Variants in IGF2BP3 observed in about 807,000 individuals in gnomAD.
IGF2BP3 encodes the protein insulin like growth factor 2 mRNA binding protein 3.
In IGF2BP3, 9 loss-of-function variants were observed where a neutral mutation model predicts 73.8. The ratio of observed to expected loss-of-function variants is 0.12; its 90% CI spans 0.07 to 0.21. The LOEUF is 0.21. IGF2BP3 is among the 10% of genes least tolerant of loss of function. The pLI, the probability that IGF2BP3 is intolerant of heterozygous loss-of-function variation, is 1.00. For missense variants in IGF2BP3, 542 were observed against 714.0 expected (o/e 0.76, Z 2.75); for synonymous variants, 258 against 256.7 (o/e 1.01, Z -0.05).
chr7:23,322,977 G>C (rs373481013), intron 10 of IGF2BP3, among the ~76,000 whole-genome samples: 1 of 152,124 alleles, frequency 6.6e-6, no homozygotes, highest in African/African-American at 2.4e-5. Context: ...ATGCCAAAAC[G>C]TAAAGACCAT....
At chr7:23,316,800 C>G in intron 12 of IGF2BP3, among the ~76,000 whole-genome samples, 1 of 151,314 alleles carries the variant, frequency 6.6e-6, no homozygotes, top group Admixed American at 6.6e-5. Flanking sequence ...AGAAATCATA[C>G]ACTAAAAGGA....
chr7:23,411,475 A>G (rs574710321), intron 3 of IGF2BP3, among the ~76,000 whole-genome samples: 1 of 152,164 alleles, frequency 6.6e-6, no homozygotes, highest in Admixed American at 6.5e-5. Flanking sequence ...CCAGCTACTC[A>G]GGAGGCTGAG....
intron 2 of IGF2BP3, among the ~76,000 whole-genome samples, chr7:23,456,186 C>A (rs1308593672): frequency 6.6e-6 from 1 of 151,262 alleles, no homozygotes. Context: ...AAAGAAAGAG[C>A]AAGAGCTTCT....
intron 3 of IGF2BP3, among the ~76,000 whole-genome samples, chr7:23,390,765 T>G (rs913564820): frequency 2.0e-5 from 3 of 151,892 alleles, no homozygotes; most frequent in African/African-American, 7.2e-5. Context: ...CTAAAAACTT[T>G]ACAGCTGTTT....
intron 6 of IGF2BP3, among the ~76,000 whole-genome samples, chr7:23,350,586 T>TA (rs1414677753): frequency 2.0e-5 from 3 of 152,254 alleles, no homozygotes; most frequent in Non-Finnish European, 4.4e-5. Context: ...AGAAGTATCT[T>TA]AGATACACAT....
chr7:23,341,304 A>G (rs1784706890), intron 10 of IGF2BP3, among the ~76,000 whole-genome samples: 2 of 152,286 alleles, frequency 1.3e-5, no homozygotes, highest in South Asian at 4.1e-4. Context: ...GTCACTCCTG[A>G]CCTTTCAAAG....
intron 3 of IGF2BP3, among the ~76,000 whole-genome samples, chr7:23,405,941 T>C (rs186934685): frequency 2.8e-4 from 43 of 152,016 alleles, no homozygotes; most frequent in African/African-American, 9.6e-4. Context: ...GGCTTACACA[T>C]GATGATGGAG....
At position 23,317,665 on chromosome 7, in the gene IGF2BP3, T is replaced by C. The variant is rs1285963768; in HGVS notation, c.1369A>G (p.Thr457Ala). ...PDAKVRMVII[T>A]GPPEAQFKAQ... ...TTGAACTGAGCCTCTGGTGGTCCAG[T>C]GATAATCACCATCCTCACTTTAGCA... The change falls in exon 12 of 15, where the codon ACT becomes GCT. Residue 457 changes from threonine (T) to alanine (A), a missense_variant. Physicochemically the swap from Thr to Ala is moderately conservative, Grantham distance 58. Around this residue, in one of 2 missense-constraint regions of IGF2BP3, gnomAD observed 303 missense variants for 472.1 expected, o/e 0.64. Transcript: ENST00000258729. 1.2e-6 allele frequency: 2 copies of C among 1,614,010 alleles called. No individual in the cohort carries two copies. The highest frequency in any genetic ancestry group is 2.2e-5 in the East Asian group (1 of 44,900).
chr7:23,347,955 G>A (rs1459403239), intron 6 of IGF2BP3: 9 of 509,812 alleles, frequency 1.8e-5, no homozygotes, highest in Non-Finnish European at 2.1e-5. Context: ...ATCCAACCAA[G>A]CGGGGACATC....
rs145701169 is a variant in IGF2BP3 at position 23,319,318 on chromosome 7, T to A, written c.1204-64A>T. 3.7e-6 allele frequency: 4 copies of A among 1,068,240 alleles called. No homozygotes were observed. The African/African-American group carries it at 6.3e-5, about 17-fold the overall frequency. The allele number at this position is 1,068,240 out of a possible 1,614,324, so 66.2% of individuals were successfully genotyped here. A position where few individuals can be genotyped will look rare whatever the true frequency, so the allele number is the denominator to read the frequency against. ...CTACAAATCAGGCTTTTGTTAACAT[T>A]AGCTTTAGGAAGGACACCTTCTCAT... On this transcript the variant is annotated intron_variant, in intron 10 of 14. Coordinates refer to ENST00000258729, the MANE Select transcript of IGF2BP3 (RefSeq NM_006547.3).
At chr7:23,313,694 GA>G (rs1249958640) in intron 12 of IGF2BP3, 41 bp from the exon 13 acceptor site, 1 of 1,599,688 alleles carries the variant, frequency 6.3e-7, no homozygotes, top group African/African-American at 1.3e-5. Context: ...ATTCATGTAT[GA>G]AATGGAAAAG....
intron 3 of IGF2BP3, among the ~76,000 whole-genome samples, chr7:23,380,698 T>C (rs1785882705): frequency 6.6e-6 from 1 of 152,178 alleles, no homozygotes; most frequent in African/African-American, 2.4e-5. Context: ...CCTCTGAATA[T>C]AGCTCTAATC....
chr7:23,325,090 G>A (rs1204587681), intron 10 of IGF2BP3, among the ~76,000 whole-genome samples: 1 of 152,000 alleles, frequency 6.6e-6, no homozygotes, highest in East Asian at 1.9e-4. Context: ...GGCAGGAGAA[G>A]GAAATAAAGG....
chr7:23,390,536 G>A (rs1205644295), intron 3 of IGF2BP3, among the ~76,000 whole-genome samples: 1 of 152,152 alleles, frequency 6.6e-6, no homozygotes, highest in Non-Finnish European at 1.5e-5. Flanking sequence ...AGGAGTAGCT[G>A]GTGGGAAGAT....
In IGF2BP3 at chr7:23,311,400, A is replaced by G. The variant is rs983305436; in HGVS notation, c.*962T>C. 6.6e-6 allele frequency: 1 copy of G among 152,644 alleles called. No homozygotes were observed. Among genetic ancestry groups the G allele is most frequent in the African/African-American group, 2.4e-5 (1 of 41,452 alleles). 9.5% of individuals were successfully genotyped at this position (152,644 alleles called of 1,614,324 possible). A position where few individuals can be genotyped will look rare whatever the true frequency, so the allele number is the denominator to read the frequency against. ...CAAAGCATTTATTATGCATTCAATC[A>G]TGTAGCTAAACAAAAAACTGAAGTC... On this transcript the variant is annotated 3_prime_UTR_variant, in exon 15 of 15. Coordinates refer to ENST00000258729, the MANE Select transcript of IGF2BP3 (RefSeq NM_006547.3).
intron 2 of IGF2BP3, among the ~76,000 whole-genome samples, chr7:23,441,403 T>C (rs1314892932): frequency 4.0e-5 from 6 of 151,602 alleles, no homozygotes; most frequent in Admixed American, 4.0e-4. Context: ...TGAAACCCCA[T>C]CTCTACTAAA....
rs563083939 is a variant in IGF2BP3, at chr7:23,422,224, TAG to T, written c.237-3402_237-3401del. 3.9e-5 allele frequency among the ~76,000 whole-genome samples: 6 copies of T among 152,302 alleles called. No individual in the cohort carries two copies. In the South Asian group the frequency reaches 1.0e-3, roughly 26 times the overall value. ...CCAAAAGTACACATGTAAATATACA[TAG>T]AGAGTTCAGGTTAATTAGCATGTGA... is the stretch of plus-strand genomic sequence containing the variant. On this transcript the variant is annotated intron_variant, in intron 2 of 14. Coordinates refer to ENST00000258729, the MANE Select transcript of IGF2BP3 (RefSeq NM_006547.3).
At chr7:23,440,765 G>A (rs1787914389) in intron 2 of IGF2BP3, among the ~76,000 whole-genome samples, 1 of 152,150 alleles carries the variant, frequency 6.6e-6, no homozygotes, top group African/African-American at 2.4e-5. Context: ...GGCTCTACTA[G>A]GGCTATAGAA....
intron 10 of IGF2BP3, among the ~76,000 whole-genome samples, chr7:23,337,924 T>C (rs115915037): frequency 0.018 from 2,687 of 152,292 alleles, 82 homozygotes; most frequent in African/African-American, 0.056. Context: ...ACAAGGCAGA[T>C]AGAAGCACCA....
Sources: gnomAD v4.1 joint callset for allele counts (sites outside exome capture counted in the v4.1 genomes callset) on GRCh38, gnomAD v4.1.1 for gene constraint, gnomAD v4.1.1 regional missense constraint, MANE v1.5 for transcripts, NCBI Gene and HGNC (gene_info 2026-07-23, HGNC 2026-07-21) for gene names.